The following NXN variants were observed in gnomAD, a reference collection of about 807,000 sequenced individuals.
The protein encoded by NXN is nucleoredoxin 1.
Under a neutral mutation model 48.6 loss-of-function variants are expected in NXN, and 16 were observed. The observed-to-expected ratio is 0.33, with a 90% confidence interval of 0.22 to 0.50. The LOEUF is 0.50. NXN is among the 20% of genes least tolerant of loss of function. The pLI is 0.98. For missense variants in NXN, 492 were observed against 605.5 expected (o/e 0.81, Z 1.97); for synonymous variants, 281 against 269.6 (o/e 1.04, Z -0.41).
At chr17:811,383 A>G (rs1911994150) in intron 5 of NXN, among the ~76,000 whole-genome samples, 1 of 152,224 alleles carries the variant, frequency 6.6e-6, no homozygotes, top group Admixed American at 6.5e-5. Context: ...GCAGCCGAGG[A>G]TGACTCAGAC....
In NXN at chr17:978,877, G is replaced by T. The variant is rs1597296020; in HGVS notation, c.360+442C>A. 6.6e-6 allele frequency among the ~76,000 whole-genome samples: 1 copy of T among 151,456 alleles called. No individual in the cohort carries two copies. Among genetic ancestry groups the T allele is most frequent in the East Asian group, 2.0e-4 (1 of 5,054 alleles). On this transcript the variant is annotated intron_variant, in intron 1 of 7. Transcript: ENST00000336868. This position sits in a 1 kb window ranked among gnomAD's most constrained non-coding sequence, Gnocchi z 4.1. ...CCTCCCCACTGTGGGAATCCGCGGG[G>T]GTCGGCGGCGGAGGCAGGAAGGGCC...
chr17:934,415 T>A (rs543149241), intron 1 of NXN, among the ~76,000 whole-genome samples: 1 of 148,154 alleles, frequency 6.7e-6, no homozygotes, highest in African/African-American at 2.5e-5. Flanking sequence ...CACTGCACTC[T>A]AGCCTGGGCA....
chr17:872,252 G>C (rs1343073567), intron 1 of NXN, among the ~76,000 whole-genome samples: 2 of 150,850 alleles, frequency 1.3e-5, no homozygotes, highest in Non-Finnish European at 3.0e-5. Context: ...GGGAGGGAGG[G>C]AGGAACACAT....
intron 7 of NXN, 103 bp downstream of exon 7, chr17:803,579 C>T (rs910267648): frequency 6.8e-7 from 1 of 1,470,614 alleles, no homozygotes; most frequent in East Asian, 2.3e-5. Context: ...CACAGGCAGC[C>T]CTGACCCTGG....
Position 823,636 on chromosome 17 carries a change from T to C in NXN, c.608A>G (p.His203Arg). Reference protein sequence around the residue: ...GSHVGVYFSAHWCPPCRSLTR... With the variant: ...GSHVGVYFSARWCPPCRSLTR... ...AAAGGGGGTCCAAACACTCACCCAA[T>C]GTGCGGAGAAATAGACGCCCACGTG... Residue 203 changes from histidine to arginine, a missense_variant, in exon 3 of 8, where the codon CAT (histidine) becomes CGT (arginine). His to Arg is a conservative substitution (Grantham distance 29). Coordinates refer to ENST00000336868, the MANE Select transcript of NXN (RefSeq NM_022463.5). The C allele has an allele frequency of 6.2e-7, 1 of 1,613,934 alleles. No homozygotes were observed.
At chr17:934,190 A>T (rs139423936) in intron 1 of NXN, among the ~76,000 whole-genome samples, 1 of 152,114 alleles carries the variant, frequency 6.6e-6, no homozygotes, top group African/African-American at 2.4e-5. Context: ...TCACGCCTGT[A>T]ATCCCAGCAC....
chr17:826,290 C>T (rs566999894), intron 1 of NXN, among the ~76,000 whole-genome samples: 1 of 150,284 alleles, frequency 6.7e-6, no homozygotes, highest in East Asian at 2.0e-4. Flanking sequence ...CGGGGGGCTC[C>T]GAGGAGGGAG....
At position 826,046 on chromosome 17, in the gene NXN, G is replaced by A. The variant is rs1488490380; in HGVS notation, c.393C>T (p.Asn131=). ...CGTCGAGGAATATTAGTGATGGAAT[G>A]TTGGAAATTCGGTATTTGTTCCAAA... ...LKLWNKYRIS[N]IPSLIFLDAT... is the part of the protein sequence containing the mutation. The change falls in exon 2 of 8, where the codon AAC becomes AAT. Residue 131 remains asparagine, a synonymous_variant. Transcript: ENST00000336868. The A allele has an allele frequency of 3.1e-6, 5 of 1,613,964 alleles. No homozygotes were observed. Among genetic ancestry groups the A allele is most frequent in the Non-Finnish European group, 2.5e-6 (3 of 1,179,824 alleles).
At chr17:909,781 A>G (rs2068617932) in intron 1 of NXN, 1 of 151,112 alleles carries the variant, frequency 6.6e-6, no homozygotes, top group Admixed American at 6.6e-5. Flanking sequence ...CTCGTGATCC[A>G]CCCACCTCGG....
At chr17:885,181 C>T (rs950955669) in intron 1 of NXN, among the ~76,000 whole-genome samples, 6 of 152,130 alleles carry the variant, frequency 3.9e-5, no homozygotes, top group African/African-American at 4.8e-5. Flanking sequence ...TCAACATATG[C>T]GGCCGGTCGC....
rs1022060571 is a variant in NXN, at chr17:932,711, G to C, written c.360+46608C>G. 1.3e-5 allele frequency among the ~76,000 whole-genome samples: 2 copies of C among 152,226 alleles called. No individual in the cohort carries two copies. Among genetic ancestry groups the C allele is most frequent in the African/African-American group, 4.8e-5 (2 of 41,460 alleles). Reference sequence around the variant, plus strand: ...CCGACTTTTGCCATCAGTGGGCAGCGAGTGGGCTGTGTGGTCCCCGGACAA... The same window carrying C: ...CCGACTTTTGCCATCAGTGGGCAGCCAGTGGGCTGTGTGGTCCCCGGACAA... On this transcript the variant is annotated intron_variant, in intron 1 of 7. Coordinates refer to ENST00000336868, the MANE Select transcript of NXN (RefSeq NM_022463.5). This position sits in a 1 kb window ranked among gnomAD's most constrained non-coding sequence, Gnocchi z 4.1.
At chr17:834,344 T>G (rs113860082) in intron 1 of NXN, among the ~76,000 whole-genome samples, 1 of 152,134 alleles carries the variant, frequency 6.6e-6, no homozygotes, top group Non-Finnish European at 1.5e-5. Flanking sequence ...CTGTCTGGCA[T>G]TGCAGCAGCT....
rs372695435 is a variant in NXN, at chr17:819,508, G to C, written c.751C>G (p.Pro251Ala). 13 of 1,612,664 alleles carry C rather than the reference G, an allele frequency of 8.1e-6. No individual in the cohort carries two copies. The highest frequency in any genetic ancestry group is 1.3e-5 in the African/African-American group (1 of 74,974). ...ESFKQYFSEM[P>A]WLAVPYTDEA... ...TCCGTGTAGGGGACGGCGAGCCAGG[G>C]CATCTCACTGAAGTACTGTTTGAAG... The change falls in exon 5 of 8, where the codon CCC (proline) becomes GCC (alanine). Residue 251 changes from proline to alanine, a missense_variant. By Grantham distance (27) the Pro-to-Ala change is conservative. Transcript: ENST00000336868.
intron 1 of NXN, among the ~76,000 whole-genome samples, chr17:839,367 G>A (rs1169009080): frequency 6.6e-6 from 1 of 151,910 alleles, no homozygotes; most frequent in African/African-American, 2.4e-5. Flanking sequence ...CCTGGGAGGC[G>A]GAGGTTGCAG....
At chr17:887,698 A>G (rs968061011) in intron 1 of NXN, among the ~76,000 whole-genome samples, 5 of 152,192 alleles carry the variant, frequency 3.3e-5, no homozygotes, top group African/African-American at 1.2e-4. Context: ...GCTCCATGTC[A>G]GTGAACCACC....
At position 804,742 on chromosome 17, in the gene NXN, G is replaced by A. The variant is rs560695420; in HGVS notation, c.1000+326C>T. ...GGTGAGCCTCGGCCAGAGGGGCCCA[G>A]CCCCTGCAGCTGCCGTGTGTGCCAC... On this transcript the variant is annotated intron_variant, in intron 6 of 7. Coordinates refer to ENST00000336868, the MANE Select transcript of NXN (RefSeq NM_022463.5). Among the ~76,000 whole-genome samples, 16 of 152,354 alleles carry A rather than the reference G, an allele frequency of 1.1e-4. No individual in the cohort carries two copies. In the East Asian group the frequency reaches 2.9e-3, roughly 28 times the overall value.
chr17:897,591 T>C (rs1207935617), intron 1 of NXN, among the ~76,000 whole-genome samples: 1 of 152,198 alleles, frequency 6.6e-6, no homozygotes, highest in Non-Finnish European at 1.5e-5. Flanking sequence ...AGCTTCACAA[T>C]GCCCCGTCCT....
chr17:966,337 T>A (rs1167383187), intron 1 of NXN, among the ~76,000 whole-genome samples: 1 of 151,980 alleles, frequency 6.6e-6, no homozygotes, highest in Non-Finnish European at 1.5e-5. Flanking sequence ...CAGCTATCAC[T>A]AGTGTTGTCA....
intron 5 of NXN, among the ~76,000 whole-genome samples, chr17:812,840 G>A (rs1912203958): frequency 1.3e-5 from 2 of 149,752 alleles, no homozygotes; most frequent in African/African-American, 4.9e-5. Flanking sequence ...ATGTGTGAGT[G>A]TAGGTGTGTG....
Sources: allele counts gnomAD v4.1 joint callset (sites outside exome capture counted in the v4.1 genomes callset), GRCh38; gene constraint gnomAD v4.1.1; non-coding constraint Gnocchi (gnomAD v3.1); transcripts MANE v1.5; gene names NCBI Gene and HGNC (gene_info 2026-07-23, HGNC 2026-07-21).